GPHN: variants seen among roughly 807,000 people sequenced by gnomAD.
GPHN encodes the protein gephyrin.
Under a neutral mutation model 95.5 loss-of-function variants are expected in GPHN, and 17 were observed. That is an observed-to-expected ratio of 0.18 (90% CI 0.12 to 0.27). The LOEUF (loss-of-function observed/expected upper bound fraction) is 0.27, where lower values mean the gene tolerates loss of function less well. GPHN is among the 10% of genes least tolerant of loss of function. GPHN has a pLI of 1.00. For missense variants in GPHN, 660 were observed against 978.1 expected, an observed-to-expected ratio of 0.67 and a Z score of 4.34; for synonymous variants, 320 against 322.5, an observed-to-expected ratio of 0.99 and a Z score of 0.08.
At chr14:67,386,519 G>A in the GPHN span, 1 of 152,168 alleles carries the variant, frequency 6.6e-6, no homozygotes. Context: ...TAAAAGTATT[G>A]TATGATACAG....
chr14:67,134,531 T>C (rs968686290), intron 17 of GPHN, among the ~76,000 whole-genome samples: 1 of 152,234 alleles, frequency 6.6e-6, no homozygotes, highest in Non-Finnish European at 1.5e-5. Context: ...CCAAAGCTAC[T>C]GTGGATAGAC....
At chr14:66,914,334 G>A (rs2065809001) in intron 5 of GPHN, among the ~76,000 whole-genome samples, 1 of 151,954 alleles carries the variant, frequency 6.6e-6, no homozygotes, top group Non-Finnish European at 1.5e-5. Flanking sequence ...CAACATTCTT[G>A]GAAAATAAAA....
the GPHN span, chr14:67,292,708 C>G: frequency 6.2e-7 from 1 of 1,613,196 alleles, no homozygotes; most frequent in Non-Finnish European, 8.5e-7. Context: ...CGCACAAGAT[C>G]TTGCTCAAGA....
the GPHN span, among the ~76,000 whole-genome samples, chr14:67,537,982 A>G: frequency 6.6e-6 from 1 of 152,234 alleles, no homozygotes; most frequent in African/African-American, 2.4e-5. Context: ...GTGCCAGCAG[A>G]ATCAAGAAAA....
intron 1 of GPHN, among the ~76,000 whole-genome samples, chr14:66,543,167 AC>A (rs1447212667): frequency 6.6e-6 from 1 of 151,668 alleles, no homozygotes. Flanking sequence ...TGATCCAATC[AC>A]CCCCTACCAG....
the GPHN span, among the ~76,000 whole-genome samples, chr14:67,383,094 C>G: frequency 6.6e-6 from 1 of 152,012 alleles, no homozygotes; most frequent in Non-Finnish European, 1.5e-5. Context: ...AAATAATTTT[C>G]CATTTTAATA....
At position 66,535,138 on chromosome 14, in the gene GPHN, A is replaced by G. The variant is rs929921390; in HGVS notation, c.64+26547A>G. Among the ~76,000 whole-genome samples, 7 of 152,244 alleles carry G rather than the reference A, an allele frequency of 4.6e-5. 1 individual carries two copies. Among genetic ancestry groups the G allele is most frequent in the South Asian group, 4.1e-4 (2 of 4,832 alleles). ...TTTTTTACTCAAAGCTCTATGATGC[A>G]TTTCAAATTATCTTATAATGAATGA... is the stretch of plus-strand genomic sequence containing the variant. On this transcript the variant is annotated intron_variant, in intron 1 of 22. Coordinates refer to ENST00000478722, the MANE Select transcript of GPHN (RefSeq NM_020806.5).
chr14:67,137,545 C>G (rs574086219), intron 17 of GPHN, among the ~76,000 whole-genome samples: 16 of 152,228 alleles, frequency 1.1e-4, no homozygotes, highest in South Asian at 4.1e-4. Context: ...GGGCAGATCT[C>G]TTGAGCCCAG....
chr14:67,503,196 G>A, the GPHN span, among the ~76,000 whole-genome samples: 6 of 152,182 alleles, frequency 3.9e-5, no homozygotes, highest in Non-Finnish European at 8.8e-5. Flanking sequence ...GACAAGAGGA[G>A]TTAAAAGATC....
the GPHN span, chr14:67,650,481 G>C: frequency 3.6e-6 from 2 of 549,308 alleles, no homozygotes; most frequent in Non-Finnish European, 6.5e-6. Flanking sequence ...AACAGGGATG[G>C]TTTATTTCAT....
intron 10 of GPHN, among the ~76,000 whole-genome samples, chr14:67,042,275 T>C (rs570051361): frequency 1.1e-3 from 171 of 152,300 alleles, no homozygotes; most frequent in Non-Finnish European, 1.7e-3. Flanking sequence ...GCCATTTCTT[T>C]TGGTGTTTTA....
chr14:67,066,095 T>A (rs892800229), intron 11 of GPHN, among the ~76,000 whole-genome samples: 11 of 152,228 alleles, frequency 7.2e-5, no homozygotes, highest in Non-Finnish European at 5.9e-5. Flanking sequence ...TTTCCATGTT[T>A]AGTGCTTCCT....
chr14:67,504,668 C>T, the GPHN span, among the ~76,000 whole-genome samples: 3 of 152,080 alleles, frequency 2.0e-5, no homozygotes, highest in Non-Finnish European at 4.4e-5. Flanking sequence ...GGGTGGATCA[C>T]GAGGTCAGGA....
chr14:67,122,051 G>T (rs1052891687), intron 16 of GPHN, among the ~76,000 whole-genome samples: 1 of 152,124 alleles, frequency 6.6e-6, no homozygotes, highest in Non-Finnish European at 1.5e-5. Flanking sequence ...ATTTCAGAGT[G>T]TTTTTTGACT....
chr14:66,727,928 G>A (rs759897621), intron 2 of GPHN, among the ~76,000 whole-genome samples: 26 of 152,144 alleles, frequency 1.7e-4, no homozygotes, highest in African/African-American at 5.6e-4. Context: ...GGAGGTCTTC[G>A]AGGCAGCCCC....
chr14:67,208,468 T>G, the GPHN span: 1 of 1,600,074 alleles, frequency 6.2e-7, no homozygotes, highest in Non-Finnish European at 8.5e-7. Context: ...GGCAGGAACA[T>G]GCCAAAGGAA....
At chr14:67,697,388 G>A in the GPHN span, among the ~76,000 whole-genome samples, 1 of 152,158 alleles carries the variant, frequency 6.6e-6, no homozygotes, top group African/African-American at 2.4e-5. Context: ...GCAGAGGAAA[G>A]ACCCCACCTG....
intron 13 of GPHN, among the ~76,000 whole-genome samples, chr14:67,104,354 A>G (rs1240053122): frequency 6.6e-6 from 1 of 152,190 alleles, no homozygotes; most frequent in Non-Finnish European, 1.5e-5. Context: ...TTTGAGTAGC[A>G]GAATAATGCT....
chr14:66,534,823 T>C (rs1359056168), intron 1 of GPHN, among the ~76,000 whole-genome samples: 9 of 152,188 alleles, frequency 5.9e-5, no homozygotes, highest in Admixed American at 6.5e-5. Flanking sequence ...TTTTGACATA[T>C]TTTAAAGTTA....
Sources: gnomAD v4.1 joint callset for allele counts (sites outside exome capture counted in the v4.1 genomes callset) on GRCh38, gnomAD v4.1.1 for gene constraint, MANE v1.5 for transcripts, NCBI Gene and HGNC (gene_info 2026-07-23, HGNC 2026-07-21) for gene names.